GAP43: variants seen among roughly 807,000 people sequenced by gnomAD.
GAP43 encodes growth associated protein 43.
Under a neutral mutation model 18.6 loss-of-function variants are expected in GAP43, and 6 were observed. The ratio of observed to expected loss-of-function variants is 0.32; its 90% CI spans 0.18 to 0.64. GAP43 has a LOEUF of 0.64. Among genes scored for constraint, GAP43 ranks in the 30% least tolerant of loss-of-function variants. The pLI is 0.78. For synonymous variants in GAP43, 115 were observed against 111.4 expected (o/e 1.03, Z -0.20); for missense variants, 292 against 295.5 (o/e 0.99, Z 0.09).
intron 1 of GAP43, among the ~76,000 whole-genome samples, chr3:115,627,865 C>A (rs1191092740): frequency 1.3e-5 from 2 of 152,080 alleles, no homozygotes; most frequent in African/African-American, 4.8e-5. Flanking sequence ...ATAACATTTT[C>A]AGAAGTGTTG....
chr3:115,688,736 AAAAGGG>A, intron 2 of GAP43, among the ~76,000 whole-genome samples: 1 of 152,210 alleles, frequency 6.6e-6, no homozygotes, highest in African/African-American at 2.4e-5. Flanking sequence ...TCAGCTGGGT[AAAAGGG>A]ATAGGTCCCA....
At chr3:115,624,118 A>G (rs1407848516) in intron 1 of GAP43, among the ~76,000 whole-genome samples, 1 of 152,114 alleles carries the variant, frequency 6.6e-6, no homozygotes, top group Non-Finnish European at 1.5e-5. Context: ...GGGTTGAGGA[A>G]ATAATATTCA....
chr3:115,683,913 G>T (rs1708999005), intron 2 of GAP43, among the ~76,000 whole-genome samples: 1 of 152,060 alleles, frequency 6.6e-6, no homozygotes, highest in Non-Finnish European at 1.5e-5. Flanking sequence ...TTTGAAATGG[G>T]CTATTGAACG....
intron 1 of GAP43, among the ~76,000 whole-genome samples, chr3:115,671,515 T>C (rs1213821739): frequency 6.6e-6 from 1 of 152,176 alleles, no homozygotes; most frequent in Non-Finnish European, 1.5e-5. Context: ...ATTGCAGAGC[T>C]CTCAAACAAA....
At chr3:115,699,579 G>A (rs1438886008) in intron 2 of GAP43, among the ~76,000 whole-genome samples, 1 of 152,028 alleles carries the variant, frequency 6.6e-6, no homozygotes, top group Non-Finnish European at 1.5e-5. Flanking sequence ...TTTATTTACA[G>A]CAGGCATTAA....
At chr3:115,715,956 C>G (rs796351925) in intron 2 of GAP43, among the ~76,000 whole-genome samples, 4 of 152,308 alleles carry the variant, frequency 2.6e-5, no homozygotes, top group African/African-American at 9.6e-5. Flanking sequence ...ATTCAGTCTC[C>G]CTGTGTTTCA....
chr3:115,663,057 G>A (rs182987925), intron 1 of GAP43, among the ~76,000 whole-genome samples: 2 of 152,240 alleles, frequency 1.3e-5, no homozygotes, highest in East Asian at 3.9e-4. Flanking sequence ...CACAAAGTGG[G>A]AGGTGTGCTG....
chr3:115,682,691 C>T (rs1708972330), intron 2 of GAP43, among the ~76,000 whole-genome samples: 1 of 152,132 alleles, frequency 6.6e-6, no homozygotes, highest in Admixed American at 6.5e-5. Context: ...CACCTGCCAC[C>T]ATGCCTGGCT....
chr3:115,631,394 C>T (rs1411968606), intron 1 of GAP43, among the ~76,000 whole-genome samples: 1 of 152,068 alleles, frequency 6.6e-6, no homozygotes, highest in African/African-American at 2.4e-5. Flanking sequence ...CCTGTCTTAC[C>T]TTTTCTTCTT....
intron 2 of GAP43, among the ~76,000 whole-genome samples, chr3:115,698,535 C>G (rs574978344): frequency 1.5e-4 from 23 of 150,946 alleles, no homozygotes; most frequent in Non-Finnish European, 8.8e-5. Context: ...TGTAGACAAT[C>G]TTTGGTGAGA....
intron 1 of GAP43, among the ~76,000 whole-genome samples, chr3:115,635,715 A>G (rs578227059): frequency 5.3e-5 from 8 of 151,950 alleles, no homozygotes; most frequent in African/African-American, 1.7e-4. Flanking sequence ...AGGACTAGGT[A>G]TGAAAAGAAA....
intron 1 of GAP43, among the ~76,000 whole-genome samples, chr3:115,664,158 G>A (rs1708702152): frequency 6.6e-6 from 1 of 151,330 alleles, no homozygotes; most frequent in African/African-American, 2.4e-5. Flanking sequence ...ATATAAAAGT[G>A]CTTAGAAGAG....
intron 1 of GAP43, among the ~76,000 whole-genome samples, chr3:115,649,963 A>T (rs995636929): frequency 3.9e-5 from 6 of 152,264 alleles, no homozygotes; most frequent in African/African-American, 1.2e-4. Context: ...GAGTTTACTA[A>T]CTGACAGGAA....
At chr3:115,713,768 A>C (rs1285291234) in intron 2 of GAP43, among the ~76,000 whole-genome samples, 1 of 152,228 alleles carries the variant, frequency 6.6e-6, no homozygotes, top group Non-Finnish European at 1.5e-5. Context: ...CTACCATTAC[A>C]TTGTTGTAAA....
At chr3:115,710,462 C>T (rs1709419810) in intron 2 of GAP43, among the ~76,000 whole-genome samples, 1 of 152,046 alleles carries the variant, frequency 6.6e-6, no homozygotes, top group South Asian at 2.1e-4. Flanking sequence ...GGGAGAATAA[C>T]AAAATCTTTT....
chr3:115,703,366 G>A (rs1709321000), intron 2 of GAP43, among the ~76,000 whole-genome samples: 1 of 152,044 alleles, frequency 6.6e-6, no homozygotes, highest in African/African-American at 2.4e-5. Flanking sequence ...GAATATATTT[G>A]AGATATATTT....
chr3:115,699,816 A>T (rs1709274770), intron 2 of GAP43, among the ~76,000 whole-genome samples: 1 of 152,196 alleles, frequency 6.6e-6, no homozygotes, highest in African/African-American at 2.4e-5. Context: ...AGTCATATGC[A>T]TCTTTAAGAG....
chr3:115,697,701 G>A lies in GAP43; in HGVS notation c.628+21091G>A, dbSNP rs78037837. On this transcript the variant is annotated intron_variant, in intron 2 of 2. Transcript: ENST00000305124. ...GGGAATTCTGCCCAGACTGGAAATA[G>A]ATGGCAAAACACACTTTTGCTTAGA... Among the ~76,000 whole-genome samples the A allele has an allele frequency of 3.9e-5, 6 of 152,190 alleles. No homozygotes were observed. The South Asian group carries it at 1.2e-3, about 32-fold the overall frequency.
At chr3:115,696,315 T>C (rs1401929313) in intron 2 of GAP43, among the ~76,000 whole-genome samples, 1 of 152,094 alleles carries the variant, frequency 6.6e-6, no homozygotes, top group Non-Finnish European at 1.5e-5. Flanking sequence ...TGCCTTAAAA[T>C]TATTCCTTTT....
Sources: allele counts gnomAD v4.1 joint callset (sites outside exome capture counted in the v4.1 genomes callset), GRCh38; gene constraint gnomAD v4.1.1; transcripts MANE v1.5; gene names NCBI Gene and HGNC (gene_info 2026-07-23, HGNC 2026-07-21).